Variants in HS2ST1 observed in about 807,000 individuals in gnomAD.
HS2ST1 encodes heparan sulfate 2-O-sulfotransferase 1, also known as 2-O-sulfotransferase.
In HS2ST1, 18 loss-of-function variants were observed where a neutral mutation model predicts 42.9. The ratio of observed to expected loss-of-function variants is 0.42; its 90% confidence interval spans 0.29 to 0.62. The LOEUF (loss-of-function observed/expected upper bound fraction) is 0.62, where lower values mean the gene tolerates loss of function less well. Among genes scored for constraint, HS2ST1 ranks in the 20% least tolerant of loss-of-function variants. The pLI is 0.21. For missense variants in HS2ST1, 334 were observed against 433.8 expected, an observed-to-expected ratio of 0.77 and a Z score of 2.04; for synonymous variants, 146 against 152.9, an observed-to-expected ratio of 0.95 and a Z score of 0.33.
intron 1 of HS2ST1, among the ~76,000 whole-genome samples, chr1:87,005,117 T>C (rs1042844905): frequency 5.9e-5 from 9 of 152,234 alleles, no homozygotes; most frequent in African/African-American, 2.2e-4. Context: ...TTTTTCTTTG[T>C]ATCAATATCT....
chr1:86,994,812 G>A (rs1012719261), intron 1 of HS2ST1, among the ~76,000 whole-genome samples: 4 of 152,064 alleles, frequency 2.6e-5, no homozygotes, highest in African/African-American at 9.7e-5. Context: ...CATCGACCAA[G>A]TATCTTCATT....
At chr1:87,035,308 T>C (rs1396636345) in intron 1 of HS2ST1, among the ~76,000 whole-genome samples, 2 of 152,198 alleles carry the variant, frequency 1.3e-5, no homozygotes, top group Admixed American at 1.3e-4. Flanking sequence ...TTTTAACCTA[T>C]CGGTATTGTA....
At chr1:86,982,056 A>G (rs1648610486) in intron 1 of HS2ST1, among the ~76,000 whole-genome samples, 2 of 152,184 alleles carry the variant, frequency 1.3e-5, no homozygotes, top group Non-Finnish European at 1.5e-5. Flanking sequence ...CACAGGCCCA[A>G]CACCACATGG....
At chr1:87,098,835 G>A (rs1652131762) in intron 5 of HS2ST1, among the ~76,000 whole-genome samples, 1 of 152,142 alleles carries the variant, frequency 6.6e-6, no homozygotes, top group Non-Finnish European at 1.5e-5. Flanking sequence ...AAGCTGGAGT[G>A]CAGGGGCACA....
chr1:86,944,897 CT>C (rs1486764468), intron 1 of HS2ST1, among the ~76,000 whole-genome samples: 1 of 151,802 alleles, frequency 6.6e-6, no homozygotes, highest in Non-Finnish European at 1.5e-5. Flanking sequence ...AGATACTCCG[CT>C]GTTTTTACCC....
At chr1:86,950,806 G>A (rs540376755) in intron 1 of HS2ST1, among the ~76,000 whole-genome samples, 4 of 152,138 alleles carry the variant, frequency 2.6e-5, no homozygotes, top group South Asian at 4.2e-4. Context: ...ATTTTTTTAC[G>A]GCCTTTTAGT....
chr1:86,998,465 G>A (rs938543473), intron 1 of HS2ST1, among the ~76,000 whole-genome samples: 1 of 152,156 alleles, frequency 6.6e-6, no homozygotes, highest in African/African-American at 2.4e-5. Flanking sequence ...AATACACTGA[G>A]CGAATTTTTA....
At chr1:87,017,718 A>G (rs1158172352) in intron 1 of HS2ST1, among the ~76,000 whole-genome samples, 1 of 151,656 alleles carries the variant, frequency 6.6e-6, no homozygotes, top group Admixed American at 6.6e-5. Context: ...CTTCTGGTTT[A>G]GGCCTATGTT....
chr1:86,935,393 T>C (rs1395692915), intron 1 of HS2ST1, among the ~76,000 whole-genome samples: 6 of 151,534 alleles, frequency 4.0e-5, no homozygotes, highest in Non-Finnish European at 5.9e-5. Context: ...TGGAAATTTA[T>C]TTCTCTTTGT....
chr1:86,947,040 G>A (rs1002945599), intron 1 of HS2ST1, among the ~76,000 whole-genome samples: 2 of 152,154 alleles, frequency 1.3e-5, no homozygotes, highest in African/African-American at 4.8e-5. Flanking sequence ...AGCATGTTTT[G>A]CACCAGTTTC....
chr1:87,020,295 T>G (rs1190685537), intron 1 of HS2ST1, among the ~76,000 whole-genome samples: 1 of 152,178 alleles, frequency 6.6e-6, no homozygotes, highest in Admixed American at 6.5e-5. Context: ...TTCCAAGGTT[T>G]TTAGTTCTCA....
chr1:87,032,101 C>T (rs905849277), intron 1 of HS2ST1, among the ~76,000 whole-genome samples: 1 of 152,036 alleles, frequency 6.6e-6, no homozygotes, highest in Non-Finnish European at 1.5e-5. Flanking sequence ...ATAGTGGTAG[C>T]TGAAGAAAAT....
At chr1:86,929,136 AGTTAAATGAT>A (rs1660483241) in intron 1 of HS2ST1, among the ~76,000 whole-genome samples, 2 of 152,016 alleles carry the variant, frequency 1.3e-5, no homozygotes, top group African/African-American at 4.8e-5. Flanking sequence ...ATTGCTGTGA[AGTTAAATGAT>A]GTTCAAATGA....
At chr1:87,054,085 C>T (rs1650899363) in intron 1 of HS2ST1, among the ~76,000 whole-genome samples, 1 of 152,116 alleles carries the variant, frequency 6.6e-6, no homozygotes, top group South Asian at 2.1e-4. Flanking sequence ...GCACATGAAA[C>T]TCACTGTGTC....
intron 1 of HS2ST1, among the ~76,000 whole-genome samples, chr1:87,060,543 A>G (rs1651094698): frequency 6.6e-6 from 1 of 152,154 alleles, no homozygotes; most frequent in South Asian, 2.1e-4. Context: ...AATGGGGATA[A>G]TAATTCTGCC....
intron 1 of HS2ST1, among the ~76,000 whole-genome samples, chr1:86,966,614 G>A (rs1648055994): frequency 6.6e-6 from 1 of 152,152 alleles, no homozygotes; most frequent in Non-Finnish European, 1.5e-5. Context: ...TAATCATCCT[G>A]TTTTGTTTGT....
At chr1:87,068,422 T>G (rs1399615129) in intron 1 of HS2ST1, among the ~76,000 whole-genome samples, 4 of 152,238 alleles carry the variant, frequency 2.6e-5, no homozygotes, top group African/African-American at 7.2e-5. Flanking sequence ...CCTGAGACTT[T>G]GCTGAAGTTG....
intron 1 of HS2ST1, among the ~76,000 whole-genome samples, chr1:86,964,099 C>A (rs1262208684): frequency 4.7e-5 from 7 of 150,510 alleles, no homozygotes; most frequent in African/African-American, 1.7e-4. Context: ...AGAGGCATTC[C>A]CCACATCTCA....
chr1:86,997,063 G>A lies in HS2ST1; in HGVS notation c.125-75871G>A, dbSNP rs149311887. ...TCTTGAGAAAAGAGAAGCTCATGAA[G>A]TGATCTCCATATTTATTCTGGTCTT... On this transcript the variant is annotated intron_variant, in intron 1 of 6. Transcript: ENST00000370550. 6.9e-4 allele frequency among the ~76,000 whole-genome samples: 105 copies of A among 152,284 alleles called. 1 individual carries two copies. In the East Asian group the frequency reaches 0.018, roughly 26 times the overall value.
Sources: gnomAD v4.1 joint callset for allele counts (sites outside exome capture counted in the v4.1 genomes callset) on GRCh38, gnomAD v4.1.1 for gene constraint, MANE v1.5 for transcripts, NCBI Gene and HGNC (gene_info 2026-07-23, HGNC 2026-07-21) for gene names.